The following DCC variants were observed in gnomAD, a reference collection of about 807,000 sequenced individuals.
DCC encodes the protein DCC netrin 1 receptor, also known as netrin receptor DCC.
DCC carries 58 observed loss-of-function variants against 172.5 expected under a neutral mutation model. That is an observed-to-expected ratio of 0.34 (90% CI 0.27 to 0.42). The LOEUF is 0.42. DCC is among the 10% of genes least tolerant of loss of function. DCC has a pLI of 1.00. For missense variants in DCC, 1,740 were observed against 1,791.0 expected (o/e 0.97, Z 0.51); for synonymous variants, 709 against 644.5 (o/e 1.10, Z -1.52).
intron 1 of DCC, among the ~76,000 whole-genome samples, chr18:52,561,663 C>G (rs1002513182): frequency 2.6e-5 from 4 of 152,102 alleles, no homozygotes; most frequent in Non-Finnish European, 5.9e-5. Flanking sequence ...CTGTAACAAC[C>G]AATCCAGGGC....
chr18:53,045,202 A>C (rs1599062738), intron 5 of DCC, among the ~76,000 whole-genome samples: 1 of 151,892 alleles, frequency 6.6e-6, no homozygotes, highest in Admixed American at 6.6e-5. Flanking sequence ...AGGTATAGAA[A>C]GGATTCTGTA....
At chr18:53,488,508 T>C (rs1377555508) in intron 26 of DCC, among the ~76,000 whole-genome samples, 1 of 152,218 alleles carries the variant, frequency 6.6e-6, no homozygotes, top group Non-Finnish European at 1.5e-5. Flanking sequence ...ACTCATTTCT[T>C]GTCCCTTTTT....
intron 8 of DCC, among the ~76,000 whole-genome samples, chr18:53,177,935 T>A (rs1004462969): frequency 6.6e-6 from 1 of 152,188 alleles, no homozygotes. Context: ...AAAATCTAAT[T>A]TTCCCTGGCA....
intron 1 of DCC, among the ~76,000 whole-genome samples, chr18:52,411,345 G>C (rs1986836587): frequency 6.6e-6 from 1 of 152,138 alleles, no homozygotes; most frequent in African/African-American, 2.4e-5. Flanking sequence ...CCTGGGTGAA[G>C]ATGACTTGTT....
At position 53,339,801 on chromosome 18, in the gene DCC, A is replaced by G. The variant is rs2057634949; in HGVS notation, c.2253A>G (p.Pro751=). ...TGAGTTGGACTCCTCCCTTGAACCCAAACATCGTGGTGCGAGGTTATATTA... is the reference window on the plus strand; with the variant it reads ...TGAGTTGGACTCCTCCCTTGAACCCGAACATCGTGGTGCGAGGTTATATTA... The part of the protein sequence containing the change: ...IIMSWTPPLN[P]NIVVRGYIIG... Residue 751 remains proline, a synonymous_variant, in exon 15 of 29, where the codon CCA becomes CCG. Coordinates refer to ENST00000442544, the MANE Select transcript of DCC (RefSeq NM_005215.4). 1 of 1,613,832 alleles carries G rather than the reference A, an allele frequency of 6.2e-7. No individual in the cohort carries two copies. The highest frequency in any genetic ancestry group is 8.5e-7 in the Non-Finnish European group (1 of 1,179,938).
At chr18:53,109,787 G>A (rs2043303835) in intron 7 of DCC, among the ~76,000 whole-genome samples, 1 of 151,386 alleles carries the variant, frequency 6.6e-6, no homozygotes, top group African/African-American at 2.4e-5. Flanking sequence ...TTTAAATGTT[G>A]TCCTTTTTTT....
chr18:52,729,596 A>ATC (rs1330173397), intron 1 of DCC, among the ~76,000 whole-genome samples: 27 of 152,326 alleles, frequency 1.8e-4, no homozygotes, highest in Middle Eastern at 3.4e-3. Context: ...AACAGGAACT[A>ATC]TCTCTTTGCT....
intron 1 of DCC, among the ~76,000 whole-genome samples, chr18:52,506,443 C>G (rs73450715): frequency 6.6e-6 from 1 of 152,006 alleles, no homozygotes; most frequent in African/African-American, 2.4e-5. Context: ...AAAAGGTACA[C>G]AAACACCGTT....
intron 1 of DCC, among the ~76,000 whole-genome samples, chr18:52,596,420 G>A (rs557723997): frequency 6.6e-6 from 1 of 152,114 alleles, no homozygotes; most frequent in African/African-American, 2.4e-5. Context: ...CATTTAACCT[G>A]ATAATTCTCA....
chr18:53,456,178 G>A (rs992841146), intron 23 of DCC, among the ~76,000 whole-genome samples: 2 of 152,214 alleles, frequency 1.3e-5, no homozygotes, highest in Non-Finnish European at 2.9e-5. Context: ...TTCCCTGAAG[G>A]AGAGAGTCTT....
At chr18:53,476,676 A>T (rs1022048486) in intron 25 of DCC, among the ~76,000 whole-genome samples, 3 of 152,202 alleles carry the variant, frequency 2.0e-5, no homozygotes, top group African/African-American at 7.2e-5. Flanking sequence ...AAACAGACTA[A>T]TACAGGGTTA....
At chr18:53,503,120 G>T (rs537611069) in intron 27 of DCC, among the ~76,000 whole-genome samples, 1 of 152,154 alleles carries the variant, frequency 6.6e-6, no homozygotes, top group East Asian at 1.9e-4. Flanking sequence ...TCCCAATAAG[G>T]CACACAGAGC....
chr18:53,455,598 A>G (rs950425215), intron 23 of DCC, among the ~76,000 whole-genome samples: 12 of 152,268 alleles, frequency 7.9e-5, no homozygotes, highest in African/African-American at 1.2e-4. Context: ...ATTTAATTCA[A>G]GTAATTATTG....
At chr18:53,496,014 C>A (rs1383883914) in intron 26 of DCC, among the ~76,000 whole-genome samples, 1 of 152,148 alleles carries the variant, frequency 6.6e-6, no homozygotes, top group Non-Finnish European at 1.5e-5. Context: ...GGGGAAGGGG[C>A]AGCTATGGGC....
intron 5 of DCC, among the ~76,000 whole-genome samples, chr18:53,015,762 A>C (rs557667326): frequency 6.6e-6 from 1 of 152,264 alleles, no homozygotes; most frequent in South Asian, 2.1e-4. Context: ...GAACTTAACC[A>C]CAAGTTTAGA....
intron 27 of DCC, among the ~76,000 whole-genome samples, chr18:53,508,427 A>G (rs1371006580): frequency 1.3e-5 from 2 of 148,330 alleles, no homozygotes; most frequent in Admixed American, 6.7e-5. Context: ...TCCTGGGCTC[A>G]AGTGATTTAC....
intron 5 of DCC, among the ~76,000 whole-genome samples, chr18:53,027,166 G>T (rs190363824): frequency 5.7e-4 from 86 of 152,118 alleles, no homozygotes; most frequent in African/African-American, 2.0e-3. Context: ...GGACAATTGG[G>T]TTCTCGACTT....
intron 1 of DCC, among the ~76,000 whole-genome samples, chr18:52,743,275 T>C (rs1184696163): frequency 3.9e-5 from 6 of 152,168 alleles, no homozygotes; most frequent in Non-Finnish European, 8.8e-5. Context: ...TCTCTCTACT[T>C]AGAGAAAGAC....
intron 12 of DCC, among the ~76,000 whole-genome samples, chr18:53,258,204 T>C (rs905118243): frequency 3.9e-5 from 6 of 152,226 alleles, no homozygotes; most frequent in Non-Finnish European, 8.8e-5. Flanking sequence ...TTTGTGTCTC[T>C]ATTTCCTTCA....
Sources: gnomAD v4.1 joint callset for allele counts (sites outside exome capture counted in the v4.1 genomes callset) on GRCh38, gnomAD v4.1.1 for gene constraint, MANE v1.5 for transcripts, NCBI Gene and HGNC (gene_info 2026-07-23, HGNC 2026-07-21) for gene names.